The following GPC6 variants were observed in gnomAD, a reference collection of about 807,000 sequenced individuals.
GPC6 encodes glypican-6.
A neutral mutation model predicts 55.2 loss-of-function variants in GPC6; 14 were observed. That is an observed-to-expected ratio of 0.25 (90% confidence interval 0.17 to 0.40). GPC6 has a LOEUF of 0.40. GPC6 is among the 10% of genes least tolerant of loss of function. The pLI is 1.00. For missense variants in GPC6, 641 were observed against 708.5 expected (o/e 0.90, Z 1.08); for synonymous variants, 278 against 259.6 (o/e 1.07, Z -0.68).
intron 2 of GPC6, among the ~76,000 whole-genome samples, chr13:93,679,094 G>A (rs185135434): frequency 1.4e-4 from 21 of 152,212 alleles, no homozygotes; most frequent in Non-Finnish European, 2.2e-4. Context: ...AAGAAATTGA[G>A]AAACATATTC....
At chr13:93,756,428 C>T in intron 2 of GPC6, among the ~76,000 whole-genome samples, 1 of 152,144 alleles carries the variant, frequency 6.6e-6, no homozygotes, top group Non-Finnish European at 1.5e-5. Context: ...TGGTCAGAGG[C>T]CATCTACAGA....
chr13:94,251,373 A>G (rs1262060348), intron 4 of GPC6, among the ~76,000 whole-genome samples: 1 of 151,668 alleles, frequency 6.6e-6, no homozygotes, highest in Non-Finnish European at 1.5e-5. Flanking sequence ...AACCTAGATG[A>G]CGGGTTGATA....
intron 3 of GPC6, among the ~76,000 whole-genome samples, chr13:93,865,223 A>T (rs1888925572): frequency 6.6e-6 from 1 of 151,672 alleles, no homozygotes; most frequent in South Asian, 2.1e-4. Flanking sequence ...AATTGCTATT[A>T]TAATCATGGG....
intron 4 of GPC6, among the ~76,000 whole-genome samples, chr13:94,285,864 A>G (rs765801172): frequency 6.6e-6 from 1 of 152,202 alleles, no homozygotes; most frequent in Non-Finnish European, 1.5e-5. Flanking sequence ...GTGTGATCAC[A>G]TCCAGACAGA....
intron 3 of GPC6, among the ~76,000 whole-genome samples, chr13:93,982,235 C>T (rs1424109090): frequency 6.6e-6 from 1 of 152,084 alleles, no homozygotes; most frequent in East Asian, 1.9e-4. Flanking sequence ...GATGATAAAA[C>T]AAATATTTAT....
At chr13:93,887,474 A>G (rs959301549) in intron 3 of GPC6, among the ~76,000 whole-genome samples, 1 of 152,150 alleles carries the variant, frequency 6.6e-6, no homozygotes, top group African/African-American at 2.4e-5. Context: ...AGAATTATTC[A>G]TGACTGAATT....
intron 3 of GPC6, among the ~76,000 whole-genome samples, chr13:93,969,021 A>C (rs1880169119): frequency 6.6e-6 from 1 of 152,196 alleles, no homozygotes; most frequent in African/African-American, 2.4e-5. Flanking sequence ...GTTTCTTACT[A>C]GGCAAAAACC....
chr13:94,049,226 G>A lies in GPC6; in HGVS notation c.877+21332G>A, dbSNP rs955923711. On this transcript the variant is annotated intron_variant, in intron 4 of 8. Coordinates refer to ENST00000377047, the MANE Select transcript of GPC6 (RefSeq NM_005708.5). ...ACTGCATCACTGCACTGCAGCCTAG[G>A]TGACAGAGGGAGATCTTATCTCAAA... 2.0e-5 allele frequency among the ~76,000 whole-genome samples: 3 copies of A among 146,814 alleles called. No homozygotes were observed. The Admixed American group carries it at 2.1e-4, about 10-fold the overall frequency.
intron 4 of GPC6, among the ~76,000 whole-genome samples, chr13:94,216,791 C>T (rs1396045437): frequency 6.6e-6 from 1 of 152,160 alleles, no homozygotes; most frequent in Non-Finnish European, 1.5e-5. Context: ...AGTCTATAAA[C>T]TTTAACAGAG....
chr13:93,309,721 A>C (rs2139106446), intron 1 of GPC6, among the ~76,000 whole-genome samples: 1 of 152,298 alleles, frequency 6.6e-6, no homozygotes, highest in South Asian at 2.1e-4. Context: ...ATATAGAAGA[A>C]AGAAAAGCCC....
intron 2 of GPC6, among the ~76,000 whole-genome samples, chr13:93,747,650 G>A (rs189423440): frequency 3.2e-4 from 48 of 152,242 alleles, no homozygotes; most frequent in Admixed American, 7.2e-4. Context: ...ATTACATGAG[G>A]TATTCAACAC....
At chr13:94,036,347 T>C (rs1354394682) in intron 4 of GPC6, among the ~76,000 whole-genome samples, 1 of 152,092 alleles carries the variant, frequency 6.6e-6, no homozygotes. Context: ...TAGATTTAAA[T>C]AATTTGCTAC....
chr13:94,280,477 T>TG (rs1488746145), intron 4 of GPC6, among the ~76,000 whole-genome samples: 2 of 152,122 alleles, frequency 1.3e-5, no homozygotes, highest in Non-Finnish European at 2.9e-5. Context: ...TTCATCGATT[T>TG]GGGTGAAAGC....
intron 7 of GPC6, among the ~76,000 whole-genome samples, chr13:94,386,049 T>C (rs534416218): frequency 1.3e-5 from 2 of 152,336 alleles, no homozygotes; most frequent in African/African-American, 4.8e-5. Flanking sequence ...TTTGAGAAGC[T>C]GAGGCAGGAG....
At chr13:94,122,570 T>C (rs1043680740) in intron 4 of GPC6, among the ~76,000 whole-genome samples, 5 of 152,054 alleles carry the variant, frequency 3.3e-5, no homozygotes, top group Admixed American at 1.3e-4. Context: ...AGTTTTGGCA[T>C]GGGTAAGAAA....
At chr13:93,342,055 G>A (rs1447678879) in intron 1 of GPC6, among the ~76,000 whole-genome samples, 5 of 151,750 alleles carry the variant, frequency 3.3e-5, no homozygotes, top group African/African-American at 1.2e-4. Flanking sequence ...ATTTTTAGTA[G>A]AGACAGGGTT....
intron 2 of GPC6, among the ~76,000 whole-genome samples, chr13:93,742,691 T>A (rs1385594060): frequency 6.6e-6 from 1 of 152,138 alleles, no homozygotes; most frequent in Non-Finnish European, 1.5e-5. Context: ...ATCACTGTTA[T>A]CAAAGATCAT....
At chr13:93,856,290 T>C (rs1594528510) in intron 3 of GPC6, among the ~76,000 whole-genome samples, 1 of 151,528 alleles carries the variant, frequency 6.6e-6, no homozygotes, top group African/African-American at 2.4e-5. Flanking sequence ...ATATCGTGAC[T>C]CCTAAGTGAT....
chr13:93,854,038 T>C (rs1016098180), intron 3 of GPC6, among the ~76,000 whole-genome samples: 1 of 151,482 alleles, frequency 6.6e-6, no homozygotes, highest in African/African-American at 2.4e-5. Context: ...GTGGATCTGA[T>C]TACAACCACA....
Sources: allele counts gnomAD v4.1 joint callset (sites outside exome capture counted in the v4.1 genomes callset), GRCh38; gene constraint gnomAD v4.1.1; transcripts MANE v1.5; gene names NCBI Gene and HGNC (gene_info 2026-07-23, HGNC 2026-07-21).